CALN1: variants seen among roughly 807,000 people sequenced by gnomAD.
CALN1 encodes calneuron 1.
CALN1 carries 17 observed loss-of-function variants against 30.6 expected under a neutral mutation model. The observed-to-expected ratio is 0.56, with a 90% CI of 0.38 to 0.83. The LOEUF is 0.83. Ranked by LOEUF, CALN1 falls within the 40% of genes least tolerant of loss-of-function variation. The pLI is 0.00. For synonymous variants in CALN1, 156 were observed against 131.4 expected (o/e 1.19, Z -1.28); for missense variants, 291 against 354.9 (o/e 0.82, Z 1.45).
intron 2 of CALN1, among the ~76,000 whole-genome samples, chr7:72,363,295 G>A (rs1173669691): frequency 3.3e-5 from 5 of 151,618 alleles, no homozygotes; most frequent in African/African-American, 1.2e-4. Context: ...CTGGAGTGCA[G>A]TGGCGTGATC....
chr7:72,107,090 T>A (rs1807228140), intron 3 of CALN1, among the ~76,000 whole-genome samples: 1 of 152,102 alleles, frequency 6.6e-6, no homozygotes, highest in Admixed American at 6.6e-5. Flanking sequence ...ATCCTCCAAC[T>A]CTGGAGGAGG....
intron 5 of CALN1, among the ~76,000 whole-genome samples, chr7:71,928,916 C>A (rs1207537784): frequency 6.6e-6 from 1 of 151,962 alleles, no homozygotes; most frequent in East Asian, 1.9e-4. Flanking sequence ...TTCACCTACC[C>A]CCCACCCCCA....
intron 4 of CALN1, among the ~76,000 whole-genome samples, chr7:72,038,537 C>A (rs1371494300): frequency 6.6e-6 from 1 of 152,058 alleles, no homozygotes; most frequent in East Asian, 1.9e-4. Flanking sequence ...ACCAGAGCAA[C>A]TCCATCTTGA....
chr7:72,114,550 G>A (rs1436664618), intron 3 of CALN1, among the ~76,000 whole-genome samples: 2 of 152,134 alleles, frequency 1.3e-5, no homozygotes, highest in African/African-American at 2.4e-5. Context: ...AGAAAATGCT[G>A]GTTTAATCCC....
chr7:72,487,717 G>GAAAAGA, the CALN1 span, among the ~76,000 whole-genome samples: 7 of 64,354 alleles, frequency 1.1e-4, no homozygotes, highest in Non-Finnish European at 1.5e-4. Flanking sequence ...GAAAAGAAAA[G>GAAAAGA]AAAGAAAGAA....
chr7:72,484,682 C>T, the CALN1 span, among the ~76,000 whole-genome samples: 1 of 152,172 alleles, frequency 6.6e-6, no homozygotes, highest in African/African-American at 2.4e-5. Context: ...CCTTCATCTC[C>T]CCAGAATGTC....
At chr7:72,062,538 A>G (rs6973985) in intron 4 of CALN1, among the ~76,000 whole-genome samples, 103,201 of 143,972 alleles carry the variant, frequency 0.72, 37,303 homozygotes, top group East Asian at 0.99. Flanking sequence ...AAAGAAAAAA[A>G]ATAAATAAAT....
chr7:72,380,493 C>T (rs562592101), intron 2 of CALN1, among the ~76,000 whole-genome samples: 8 of 152,136 alleles, frequency 5.3e-5, no homozygotes, highest in African/African-American at 1.2e-4. Context: ...CATGGTGGTG[C>T]GCATCTGTAG....
intron 2 of CALN1, among the ~76,000 whole-genome samples, chr7:72,355,524 A>G (rs1803172114): frequency 6.6e-6 from 1 of 152,184 alleles, no homozygotes; most frequent in Non-Finnish European, 1.5e-5. Flanking sequence ...AGACTGTCTC[A>G]AAAACAAAAT....
At chr7:72,133,996 T>A (rs1809336823) in intron 3 of CALN1, among the ~76,000 whole-genome samples, 1 of 152,236 alleles carries the variant, frequency 6.6e-6, no homozygotes. Context: ...ATCCCCATTG[T>A]GGTGGCATTA....
chr7:71,934,370 G>A (rs1795720153), intron 5 of CALN1, among the ~76,000 whole-genome samples: 3 of 152,304 alleles, frequency 2.0e-5, no homozygotes, highest in East Asian at 1.9e-4. Flanking sequence ...CATTGTATAA[G>A]GAATACCTGA....
intron 5 of CALN1, among the ~76,000 whole-genome samples, chr7:71,853,981 T>C (rs1584376258): frequency 1.3e-5 from 2 of 152,186 alleles, no homozygotes; most frequent in South Asian, 4.1e-4. Context: ...GTTGTGAAGA[T>C]ACTCTGTTTT....
intron 3 of CALN1, among the ~76,000 whole-genome samples, chr7:72,110,635 G>A (rs1807501397): frequency 6.7e-6 from 1 of 150,322 alleles, no homozygotes; most frequent in African/African-American, 2.4e-5. Context: ...TCTGTCTGCA[G>A]AAGCAGACAA....
At position 72,135,273 on chromosome 7, in the gene CALN1, A is replaced by C. The variant is rs190667792; in HGVS notation, c.245-28979T>G. Among the ~76,000 whole-genome samples, 12 of 152,372 alleles carry C rather than the reference A, an allele frequency of 7.9e-5. No homozygotes were observed. The East Asian group carries it at 2.3e-3, about 29-fold the overall frequency. ...AAATGTTCTTAATGGTATTGAGAACAGTGAAACCTTTCCAGAAGGCTTTAA... is the reference window on the plus strand; with the variant it reads ...AAATGTTCTTAATGGTATTGAGAACCGTGAAACCTTTCCAGAAGGCTTTAA... On this transcript the variant is annotated intron_variant, in intron 3 of 6. Coordinates refer to ENST00000395275, the MANE Select transcript of CALN1 (RefSeq NM_031468.4).
At chr7:71,906,943 G>A (rs1222265689) in intron 5 of CALN1, among the ~76,000 whole-genome samples, 2 of 152,144 alleles carry the variant, frequency 1.3e-5, no homozygotes, top group Non-Finnish European at 2.9e-5. Flanking sequence ...TCTGTTTTAC[G>A]CATCTGGGCA....
intron 1 of CALN1, among the ~76,000 whole-genome samples, chr7:72,432,987 T>A (rs1437299972): frequency 6.6e-6 from 1 of 152,148 alleles, no homozygotes; most frequent in Admixed American, 6.5e-5. Context: ...CATGGCTCTG[T>A]TTGAACCCAA....
At position 71,871,928 on chromosome 7, in the gene CALN1, C is replaced by A. The variant is rs184401612; in HGVS notation, c.502-61436G>T. ...CCATGGTCTCGATCAGGACCATCCA[C>A]AGAACTTTCTGCCATGATGGAAATG... On this transcript the variant is annotated intron_variant, in intron 5 of 6. Transcript: ENST00000395275. 2.6e-5 allele frequency among the ~76,000 whole-genome samples: 4 copies of A among 152,308 alleles called. No homozygotes were observed. The East Asian group carries it at 7.7e-4, about 29-fold the overall frequency.
chr7:71,846,935 AT>A (rs1165474993), intron 5 of CALN1, among the ~76,000 whole-genome samples: 1 of 145,386 alleles, frequency 6.9e-6, no homozygotes, highest in African/African-American at 2.6e-5. Flanking sequence ...TTATATATAC[AT>A]ATATGTATAT....
At chr7:72,352,646 G>C (rs570523447) in intron 2 of CALN1, among the ~76,000 whole-genome samples, 2 of 152,182 alleles carry the variant, frequency 1.3e-5, no homozygotes, top group Non-Finnish European at 2.9e-5. Context: ...CTAAAACAGT[G>C]CTTACAAGGA....
Sources: allele counts gnomAD v4.1 joint callset (sites outside exome capture counted in the v4.1 genomes callset), GRCh38; gene constraint gnomAD v4.1.1; transcripts MANE v1.5; gene names NCBI Gene and HGNC (gene_info 2026-07-23, HGNC 2026-07-21).